MGAT5: variants seen among roughly 807,000 people sequenced by gnomAD.
MGAT5 encodes the protein alpha-1,6-mannosylglycoprotein 6-beta-N-acetylglucosaminyltransferase.
A neutral mutation model predicts 94.3 loss-of-function variants in MGAT5; 30 were observed. The observed-to-expected ratio is 0.32, with a 90% CI of 0.24 to 0.43. The LOEUF is 0.43. MGAT5 is among the 20% of genes least tolerant of loss of function. The probability of loss-of-function intolerance (pLI) is 1.00; values close to 1 mark genes in which losing one functional copy is unlikely to be tolerated. For synonymous variants in MGAT5, 310 were observed against 322.9 expected, an observed-to-expected ratio of 0.96 and a Z score of 0.43; for missense variants, 691 against 905.5, an observed-to-expected ratio of 0.76 and a Z score of 3.04.
intron 2 of MGAT5, among the ~76,000 whole-genome samples, chr2:134,272,279 C>T (rs935982669): frequency 1.3e-5 from 2 of 152,176 alleles, no homozygotes; most frequent in African/African-American, 4.8e-5. Flanking sequence ...ATCATGTTCT[C>T]TAAGCCAATG....
At chr2:134,441,071 T>C (rs1685461678) in intron 14 of MGAT5, among the ~76,000 whole-genome samples, 1 of 152,238 alleles carries the variant, frequency 6.6e-6, no homozygotes, top group Non-Finnish European at 1.5e-5. Context: ...TTCTTTATAT[T>C]GTCATTTCGC....
At chr2:134,359,545 CA>C (rs1679951953) in intron 9 of MGAT5, among the ~76,000 whole-genome samples, 1 of 152,198 alleles carries the variant, frequency 6.6e-6, no homozygotes, top group Non-Finnish European at 1.5e-5. Flanking sequence ...TTAAAAATCA[CA>C]TTTGTTTATC....
At chr2:134,375,540 GT>G (rs369052672) in intron 10 of MGAT5, among the ~76,000 whole-genome samples, 164 of 152,298 alleles carry the variant, frequency 1.1e-3, no homozygotes, top group Non-Finnish European at 2.0e-3. Context: ...AAATGTGTTG[GT>G]TTTCAGTTTT....
chr2:134,426,052 T>G (rs1284498105), intron 13 of MGAT5, among the ~76,000 whole-genome samples: 11 of 152,196 alleles, frequency 7.2e-5, no homozygotes, highest in Admixed American at 7.2e-4. Flanking sequence ...AGAACTTTTA[T>G]GCAGAAAACT....
intron 3 of MGAT5, 99 bp from the exon 4 acceptor site, chr2:134,318,551 G>A: frequency 1.1e-6 from 1 of 883,044 alleles, no homozygotes; most frequent in Non-Finnish European, 1.9e-6. Flanking sequence ...CACAGCTTGA[G>A]CCATTCACTC....
At chr2:134,422,004 C>CAAA (rs34234717) in intron 12 of MGAT5, among the ~76,000 whole-genome samples, 1 of 128,578 alleles carries the variant, frequency 7.8e-6, no homozygotes, top group Non-Finnish European at 1.7e-5. Context: ...CGTGTGTATA[C>CAAA]AAAAAAAAAA....
intron 6 of MGAT5, among the ~76,000 whole-genome samples, chr2:134,341,353 T>C (rs969162262): frequency 6.6e-6 from 1 of 152,204 alleles, no homozygotes; most frequent in African/African-American, 2.4e-5. Flanking sequence ...GGTGGAATTA[T>C]CTGTCCATAC....
intron 1 of MGAT5, among the ~76,000 whole-genome samples, chr2:134,264,091 C>T (rs531072958): frequency 8.0e-4 from 113 of 140,548 alleles, no homozygotes; most frequent in Non-Finnish European, 1.0e-3. Context: ...GGCACGATCT[C>T]GGCTCGCCGC....
At chr2:134,312,936 T>G (rs1686768216) in intron 2 of MGAT5, among the ~76,000 whole-genome samples, 1 of 151,922 alleles carries the variant, frequency 6.6e-6, no homozygotes. Flanking sequence ...ATTACGCTAT[T>G]TCTATTCTCA....
At chr2:134,257,558 C>A (rs959750479) in intron 1 of MGAT5, among the ~76,000 whole-genome samples, 1 of 152,172 alleles carries the variant, frequency 6.6e-6, no homozygotes, top group African/African-American at 2.4e-5. Flanking sequence ...GCCTAGTGTT[C>A]CCCCTGGTTT....
intron 2 of MGAT5, among the ~76,000 whole-genome samples, chr2:134,303,744 A>G (rs1686168672): frequency 6.6e-6 from 1 of 152,078 alleles, no homozygotes. Flanking sequence ...TTATATACAG[A>G]CTTTGGGGTT....
chr2:134,331,614 C>T (rs141114751), intron 4 of MGAT5, among the ~76,000 whole-genome samples: 39 of 151,956 alleles, frequency 2.6e-4, no homozygotes, highest in South Asian at 4.2e-4. Flanking sequence ...ATGGCGTTGA[C>T]GGCAGGGGGT....
intron 2 of MGAT5, among the ~76,000 whole-genome samples, chr2:134,278,091 C>T (rs1415901333): frequency 6.6e-6 from 1 of 152,184 alleles, no homozygotes; most frequent in Non-Finnish European, 1.5e-5. Context: ...TGTGTCCTCT[C>T]AGGTATTGGA....
chr2:134,301,550 A>G (rs949621732), intron 2 of MGAT5, among the ~76,000 whole-genome samples: 1 of 152,064 alleles, frequency 6.6e-6, no homozygotes, highest in African/African-American at 2.4e-5. Context: ...TTTTTGGTTA[A>G]TTTTTCTCTG....
intron 3 of MGAT5, among the ~76,000 whole-genome samples, chr2:134,318,161 C>G (rs1687111096): frequency 6.6e-6 from 1 of 152,156 alleles, no homozygotes; most frequent in Non-Finnish European, 1.5e-5. Context: ...AGTGTCCATT[C>G]AGGGATGTAG....
Position 134,453,876 on chromosome 2 carries a change from C to T in MGAT5, c.*5029C>T, listed in dbSNP as rs1686224165. On this transcript the variant is annotated 3_prime_UTR_variant, in exon 16 of 16. Transcript: ENST00000281923. ...GGAGAGGATTTAGCCTCTTACTTCC[C>T]TGATGGATTCAAAGTTTTATCTATC... 1 of 152,196 alleles carries T rather than the reference C, an allele frequency of 6.6e-6. No homozygotes were observed. Among genetic ancestry groups the T allele is most frequent in the African/African-American group, 2.4e-5 (1 of 41,440 alleles). 9.4% of individuals were successfully genotyped at this position (152,196 alleles called of 1,614,324 possible). A position where few individuals can be genotyped will look rare whatever the true frequency, so the allele number is the denominator to read the frequency against.
At position 134,450,599 on chromosome 2, in the gene MGAT5, G is replaced by GT. The variant is rs1371328455; in HGVS notation, c.*1753dup. On this transcript the variant is annotated 3_prime_UTR_variant, in exon 16 of 16. Transcript: ENST00000281923. ...ATTGTATCTCCAGTCTAAGAGGAGG[G>GT]TGGGGGGCACCCGGGGCCTCCTCCA... is the stretch of plus-strand genomic sequence containing the variant. The GT allele has an allele frequency of 2.0e-5, 3 of 151,160 alleles. No individual in the cohort carries two copies. The highest frequency in any genetic ancestry group is 7.4e-5 in the African/African-American group (3 of 40,496). The allele number at this position is 151,160 out of a possible 1,614,324, so 9.4% of individuals were successfully genotyped here.
At chr2:134,283,219 A>G (rs974747217) in intron 2 of MGAT5, among the ~76,000 whole-genome samples, 1 of 152,096 alleles carries the variant, frequency 6.6e-6, no homozygotes, top group Non-Finnish European at 1.5e-5. Flanking sequence ...TAGAGAGGTT[A>G]AGTCTCAGTT....
intron 4 of MGAT5, among the ~76,000 whole-genome samples, chr2:134,335,610 T>C (rs1178821146): frequency 1.3e-5 from 2 of 152,140 alleles, no homozygotes; most frequent in Non-Finnish European, 2.9e-5. Flanking sequence ...TCAAGGTTTT[T>C]TTTTTTTCTC....
Sources: gnomAD v4.1 joint callset for allele counts (sites outside exome capture counted in the v4.1 genomes callset) on GRCh38, gnomAD v4.1.1 for gene constraint, MANE v1.5 for transcripts, NCBI Gene and HGNC (gene_info 2026-07-23, HGNC 2026-07-21) for gene names.